The following DCAF6 variants were observed in gnomAD, a reference collection of about 807,000 sequenced individuals.
DCAF6 encodes the protein DDB1- and CUL4-associated factor 6.
Under a neutral mutation model 125.1 loss-of-function variants are expected in DCAF6, and 54 were observed. The ratio of observed to expected loss-of-function variants is 0.43; its 90% CI spans 0.35 to 0.54. The LOEUF (loss-of-function observed/expected upper bound fraction) is 0.54. Among genes scored for constraint, DCAF6 ranks in the 20% least tolerant of loss-of-function variants. The pLI, the probability that DCAF6 is intolerant of heterozygous loss-of-function variation, is 0.01. For synonymous variants in DCAF6, 371 were observed against 390.4 expected (o/e 0.95, Z 0.58); for missense variants, 934 against 1,161.7 (o/e 0.80, Z 2.85).
chr1:167,899,059 G>A, the DCAF6 span, among the ~76,000 whole-genome samples: 3 of 152,106 alleles, frequency 2.0e-5, no homozygotes, highest in African/African-American at 7.2e-5. Context: ...GGAGGGTGTT[G>A]GGTAAAGAAA....
At chr1:168,052,361 ACTAAAGTAGAGATTAT>A (rs1017778045) in intron 17 of DCAF6, among the ~76,000 whole-genome samples, 3 of 152,228 alleles carry the variant, frequency 2.0e-5, no homozygotes, top group African/African-American at 7.2e-5. Context: ...AAGCTGAAAC[ACTAAAGTAGAGATTAT>A]CATGAACTGA....
At chr1:168,047,724 A>T (rs751863389) in intron 16 of DCAF6, among the ~76,000 whole-genome samples, 1 of 152,048 alleles carries the variant, frequency 6.6e-6, no homozygotes, top group South Asian at 2.1e-4. Flanking sequence ...GTATATATAT[A>T]TAAAAGATGT....
At chr1:167,918,349 C>T in the DCAF6 span, 1 of 1,554,988 alleles carries the variant, frequency 6.4e-7, no homozygotes, top group Non-Finnish European at 8.8e-7. Flanking sequence ...GCTTTTAGTT[C>T]TTGGTTATAT....
At chr1:167,921,274 G>A in the DCAF6 span, among the ~76,000 whole-genome samples, 1 of 151,580 alleles carries the variant, frequency 6.6e-6, no homozygotes, top group Admixed American at 6.6e-5. Flanking sequence ...CCAGGTTAGA[G>A]AGCAATGGTG....
intron 7 of DCAF6, among the ~76,000 whole-genome samples, chr1:167,994,873 G>T (rs190295181): frequency 6.6e-6 from 1 of 152,070 alleles, no homozygotes; most frequent in Non-Finnish European, 1.5e-5. Flanking sequence ...CGTTTTAAAG[G>T]TTACTAATAA....
the DCAF6 span, among the ~76,000 whole-genome samples, chr1:167,925,445 A>G: frequency 4.1e-3 from 287 of 70,828 alleles, 1 homozygote; most frequent in African/African-American, 0.014. Flanking sequence ...ATATACACAT[A>G]TATATATATA....
the DCAF6 span, among the ~76,000 whole-genome samples, chr1:167,908,083 A>G: frequency 6.6e-6 from 1 of 152,272 alleles, no homozygotes; most frequent in African/African-American, 2.4e-5. Flanking sequence ...AGGAATTGAA[A>G]TCAGTATCCC....
At chr1:167,874,302 G>A in the DCAF6 span, among the ~76,000 whole-genome samples, 2 of 152,160 alleles carry the variant, frequency 1.3e-5, no homozygotes, top group Non-Finnish European at 2.9e-5. Flanking sequence ...TTGTACTCCA[G>A]CCTGGGCAAC....
At chr1:167,896,686 G>A in the DCAF6 span, 5 of 1,602,780 alleles carry the variant, frequency 3.1e-6, no homozygotes, top group Non-Finnish European at 3.4e-6. Context: ...GTTTTAAGAA[G>A]TTAACCTAAA....
intron 7 of DCAF6, 33 bp from the exon 8 acceptor site, chr1:168,002,449 C>CT: frequency 6.3e-7 from 1 of 1,586,268 alleles, no homozygotes; most frequent in East Asian, 2.2e-5. Context: ...GAGTTTTAGA[C>CT]TTACATAGAA....
chr1:168,042,017 C>T (rs1246392447), intron 13 of DCAF6, among the ~76,000 whole-genome samples: 1 of 151,580 alleles, frequency 6.6e-6, no homozygotes, highest in Non-Finnish European at 1.5e-5. Context: ...ACATTTTTCT[C>T]TGCATATATA....
intron 10 of DCAF6, among the ~76,000 whole-genome samples, chr1:168,009,995 C>G (rs1684062813): frequency 6.6e-6 from 1 of 152,060 alleles, no homozygotes; most frequent in African/African-American, 2.4e-5. Context: ...CTGATATAGA[C>G]TAGATAGGGT....
rs77901992 is a variant in DCAF6 at position 168,072,840 on chromosome 1, C to T, written c.2792-2531C>T. ...ACCTTCCCTCCCTCTGCAGCAAACT[C>T]AGTGTCTCTTCATATCATTATCTTC... On this transcript the variant is annotated intron_variant, in intron 21 of 21. Coordinates refer to ENST00000367840, the MANE Select transcript of DCAF6 (RefSeq NM_001198956.2). Among the ~76,000 whole-genome samples the T allele has an allele frequency of 7.6e-3, 1,152 of 152,230 alleles. 11 individuals are homozygous for T. The highest frequency in any genetic ancestry group is 0.026 in the African/African-American group (1,063 of 41,536).
intron 1 of DCAF6, among the ~76,000 whole-genome samples, chr1:167,948,616 A>G (rs1360350924): frequency 6.6e-6 from 1 of 152,158 alleles, no homozygotes; most frequent in Non-Finnish European, 1.5e-5. Context: ...CAATAGCTGT[A>G]TATTTATTGT....
chr1:167,977,437 T>C lies in DCAF6; in HGVS notation c.438+2422T>C, dbSNP rs138821548. ...TATATTCTGACTTCCATTGTTGAAG[T>C]TGCAAAGTCAGACATCAGTCTAATT... On this transcript the variant is annotated intron_variant, in intron 4 of 21. Coordinates refer to ENST00000367840, the MANE Select transcript of DCAF6 (RefSeq NM_001198956.2). Among the ~76,000 whole-genome samples the C allele has an allele frequency of 7.2e-3, 1,103 of 152,272 alleles. 44 individuals carry two copies. The highest frequency in any genetic ancestry group is 0.048 in the Admixed American group (740 of 15,296).
At chr1:167,986,361 T>C (rs1264205734) in intron 4 of DCAF6, among the ~76,000 whole-genome samples, 2 of 152,174 alleles carry the variant, frequency 1.3e-5, no homozygotes, top group South Asian at 2.1e-4. Flanking sequence ...CACTTGATAT[T>C]ATAAGTCTTT....
the DCAF6 span, among the ~76,000 whole-genome samples, chr1:167,902,993 G>A: frequency 4.3e-3 from 660 of 152,320 alleles, 3 homozygotes; most frequent in African/African-American, 0.014. Flanking sequence ...GGTGGCTTAC[G>A]CCTATAATCC....
At chr1:167,936,102 C>A (rs1345614050), upstream of DCAF6, 2 of 543,940 alleles carry the variant, frequency 3.7e-6, no homozygotes, top group Non-Finnish European at 6.7e-6. Context: ...AGGGAGGAGC[C>A]ATGGCAACAG....
chr1:167,931,623 A>G (rs952484491), upstream of DCAF6, among the ~76,000 whole-genome samples: 6 of 152,096 alleles, frequency 3.9e-5, no homozygotes, highest in African/African-American at 9.7e-5. Context: ...TGGCAACAAA[A>G]TAAGTTCTAA....
Sources: allele counts gnomAD v4.1 joint callset (sites outside exome capture counted in the v4.1 genomes callset), GRCh38; gene constraint gnomAD v4.1.1; transcripts MANE v1.5; gene names NCBI Gene and HGNC (gene_info 2026-07-23, HGNC 2026-07-21).